Variants in UBA1 observed in about 807,000 individuals in gnomAD.
UBA1 encodes the protein ubiquitin-like modifier-activating enzyme 1.
Under a neutral mutation model 84.7 loss-of-function variants are expected in UBA1, and 4 were observed. That is an observed-to-expected ratio of 0.05 (90% CI 0.02 to 0.11). The LOEUF (loss-of-function observed/expected upper bound fraction) is 0.11, where lower values mean the gene tolerates loss of function less well. Ranked by LOEUF, UBA1 falls within the 10% of genes least tolerant of loss-of-function variation. The pLI is 1.00. For synonymous variants in UBA1, 364 were observed against 362.6 expected (o/e 1.00, Z -0.04); for missense variants, 513 against 902.8 (o/e 0.57, Z 5.53).
rs782411968 is a variant in UBA1 at position 47,202,897 on chromosome X, C to T, written c.1234-46C>T. 2.5e-6 allele frequency: 3 copies of T among 1,197,676 alleles called. No individual in the cohort carries two copies. The African/African-American group carries it at 5.3e-5, about 21-fold the overall frequency. ...TCACTTGCTCTCTGTCTGTGTCAGG[C>T]CCCTGTTAACCACTGACCACCCCCT... is the stretch of plus-strand genomic sequence containing the variant. On this transcript the variant is annotated intron_variant, in intron 11 of 25. Transcript: ENST00000335972.
At chrX:47,197,024 G>T in intron 1 of UBA1, 1 of 585,170 alleles carries the variant, frequency 1.7e-6, no homozygotes, top group Non-Finnish European at 2.1e-6. Flanking sequence ...CTCTACCCCA[G>T]GTCAGTCAGA....
intron 16 of UBA1, among the ~76,000 whole-genome samples, chrX:47,207,168 G>A (rs1556791414): frequency 1.8e-5 from 2 of 111,553 alleles, no homozygotes; most frequent in Non-Finnish European, 3.8e-5. Context: ...GTCTCTAATG[G>A]TCCATATTCA....
intron 16 of UBA1, among the ~76,000 whole-genome samples, chrX:47,208,299 CTGTGTGTACGTGTAAG>C (rs1248273105): frequency 9.5e-5 from 10 of 105,094 alleles, no homozygotes; most frequent in Non-Finnish European, 3.9e-5. Context: ...GTGTAAGTGT[CTGTGTGTACGTGTAAG>C]TGTGTGTACG....
chrX:47,202,482 G>A lies in UBA1; in HGVS notation c.1034G>A (p.Arg345Gln), dbSNP rs199942374. ...ALHQFCAQHGRPPRPRNEEDA... is the reference protein window; with the variant it reads ...ALHQFCAQHGQPPRPRNEEDA... ...CACCAGTTCTGTGCTCAGCATGGCC[G>A]GCCACCTCGGCCCCGCAATGAGGTG... is the stretch of plus-strand genomic sequence containing the variant. The change falls in exon 10 of 26, where the codon CGG becomes CAG. Residue 345 changes from arginine (R) to glutamine (Q), a missense_variant. Coordinates refer to ENST00000335972, the MANE Select transcript of UBA1 (RefSeq NM_003334.4). 9 of 1,200,605 alleles carry A rather than the reference G, an allele frequency of 7.5e-6. No individual in the cohort carries two copies. Among genetic ancestry groups the A allele is most frequent in the Admixed American group, 6.7e-5 (3 of 44,646 alleles).
intron 20 of UBA1, among the ~76,000 whole-genome samples, chrX:47,212,199 C>G (rs1265535676): frequency 9.0e-6 from 1 of 110,743 alleles, no homozygotes; most frequent in South Asian, 3.8e-4. Flanking sequence ...CTTAGTGTCT[C>G]TAGAGAGATC....
chrX:47,198,939 A>T lies in UBA1; in HGVS notation c.117+20A>T. ...ACCAACGTGAGTGTCCTCTCCGTGG[A>T]GACTGGCAGACGAGGTGGTGGGTGG... On this transcript the variant is annotated intron_variant, in intron 2 of 25. Coordinates refer to ENST00000335972, the MANE Select transcript of UBA1 (RefSeq NM_003334.4). The T allele has an allele frequency of 8.3e-7, 1 of 1,207,469 alleles. No homozygotes were observed. The highest frequency in any genetic ancestry group is 1.1e-6 in the Non-Finnish European group (1 of 891,405).
At position 47,210,057 on chromosome X, in the gene UBA1, C is replaced by T. The variant is rs1489893512; in HGVS notation, c.2133C>T (p.Cys711=). The part of the protein sequence containing the change: ...QTWADCVTWA[C]HHWHTQYSNN... ...GGGCTGACTGCGTGACCTGGGCCTG[C>T]CACCACTGGCACACCCAGTACTCGA... The change falls in exon 18 of 26, where the codon TGC becomes TGT. Residue 711 remains cysteine (C), a synonymous_variant. Coordinates refer to ENST00000335972, the MANE Select transcript of UBA1 (RefSeq NM_003334.4). 9.1e-6 allele frequency: 11 copies of T among 1,210,617 alleles called. No homozygotes were observed. The highest frequency in any genetic ancestry group is 1.2e-5 in the Non-Finnish European group (11 of 895,374).
intron 18 of UBA1, 65 bp from the exon 19 acceptor site, chrX:47,210,777 C>T (rs1936883632): frequency 5.5e-6 from 6 of 1,097,602 alleles, no homozygotes; most frequent in Non-Finnish European, 6.2e-6. Context: ...CTAGGTGAAG[C>T]GTGAAGATTG....
chrX:47,199,190 G>C lies in UBA1; in HGVS notation c.177-19G>C. On this transcript the variant is annotated intron_variant, in intron 3 of 25. Transcript: ENST00000335972. ...TGGGTGGGGCAGGCCCTGACCTAGA[G>C]TACCCCCTAACCTGGCAGGTATGTG... 8.2e-7 allele frequency: 1 copy of C among 1,212,263 alleles called. No individual in the cohort carries two copies. Among genetic ancestry groups the C allele is most frequent in the Non-Finnish European group, 1.1e-6 (1 of 895,593 alleles).
chrX:47,206,582 C>A, intron 16 of UBA1, 138 bp downstream of exon 16: 1 of 603,671 alleles, frequency 1.7e-6, no homozygotes. Flanking sequence ...CTCCCTCCCT[C>A]ACTTCCCACC....
At position 47,214,921 on chromosome X, in the gene UBA1, A is replaced by C; in HGVS notation, c.3169A>C (p.Ile1057Leu). 2 of 1,210,049 alleles carry C rather than the reference A, an allele frequency of 1.7e-6. No homozygotes were observed. The highest frequency in any genetic ancestry group is 2.2e-6 in the Non-Finnish European group (2 of 895,325). The change falls in exon 26 of 26, where the codon ATC becomes CTC. Residue 1057 changes from isoleucine (I) to leucine (L), a missense_variant. Ile to Leu is a conservative substitution (Grantham distance 5, BLOSUM62 2). This residue lies in a region of UBA1 where 151 missense variants were observed against 260.1 expected (regional missense o/e 0.58). Transcript: ENST00000335972. ...CGAGGTTCCCTATGTCCGATACACC[A>C]TCCGCTGACCCCGTCTGCTCCTCTA... ...DVEVPYVRYT[I>L]R
chrX:47,208,118 A>C (rs1936746819), intron 16 of UBA1, among the ~76,000 whole-genome samples: 1 of 112,351 alleles, frequency 8.9e-6, no homozygotes, highest in African/African-American at 3.2e-5. Flanking sequence ...CTCGCTAATG[A>C]CTGCGAACTG....
chrX:47,196,946 G>A (rs1936225080), intron 1 of UBA1: 1 of 219,768 alleles, frequency 4.6e-6, no homozygotes, highest in Non-Finnish European at 6.6e-6. Flanking sequence ...AACCCTGCCA[G>A]CAGCCCCTTG....
intron 14 of UBA1, among the ~76,000 whole-genome samples, chrX:47,204,390 TA>T (rs1275427348): frequency 9.0e-6 from 1 of 110,654 alleles, no homozygotes; most frequent in Non-Finnish European, 1.9e-5. Context: ...AGGCGGCCTT[TA>T]TTTCCCCAGT....
rs1372895067 is a variant in UBA1 at position 47,210,002 on chromosome X, G to A, written c.2078G>A (p.Arg693His). The part of the protein sequence containing the change: ...QPLEVLEAVQ[R>H]SLVLQRPQTW... ...TTGGAGGTGCTGGAGGCTGTGCAGC[G>A]CAGCCTGGTGCTGCAGCGACCACAG... is the stretch of plus-strand genomic sequence containing the variant. Residue 693 changes from arginine (R) to histidine (H), a missense_variant, in exon 18 of 26, where the codon CGC becomes CAC. Physicochemically the swap from Arg to His is conservative, Grantham distance 29. Transcript: ENST00000335972. 22 of 1,210,166 alleles carry A rather than the reference G, an allele frequency of 1.8e-5. No homozygotes were observed. Among genetic ancestry groups the A allele is most frequent in the Non-Finnish European group, 2.3e-5 (21 of 894,763 alleles).
intron 1 of UBA1, chrX:47,197,067 G>T: frequency 1.4e-6 from 1 of 740,445 alleles, no homozygotes; most frequent in Non-Finnish European, 1.6e-6. Context: ...GTTCACCTTT[G>T]TCTCTACTAA....
rs946970077 is a variant in UBA1 at position 47,198,933 on chromosome X, C to T, written c.117+14C>T. On this transcript the variant is annotated intron_variant, in intron 2 of 25. Coordinates refer to ENST00000335972, the MANE Select transcript of UBA1 (RefSeq NM_003334.4). ...GTGCCAACCAACGTGAGTGTCCTCT[C>T]CGTGGAGACTGGCAGACGAGGTGGT... is the stretch of plus-strand genomic sequence containing the variant. 2 of 1,207,943 alleles carry T rather than the reference C, an allele frequency of 1.7e-6. No homozygotes were observed. The highest frequency in any genetic ancestry group is 2.2e-6 in the Non-Finnish European group (2 of 891,611).
At chrX:47,195,242 T>G (rs1392478285) in intron 1 of UBA1, among the ~76,000 whole-genome samples, 6 of 110,667 alleles carry the variant, frequency 5.4e-5, no homozygotes, top group Non-Finnish European at 7.6e-5. Context: ...CCTTCTTGTT[T>G]TCTTTTTCTT....
intron 14 of UBA1, 165 bp from the exon 15 acceptor site, chrX:47,205,783 A>C: frequency 5.3e-6 from 3 of 561,650 alleles, no homozygotes; most frequent in Non-Finnish European, 8.6e-6. Context: ...GAGCCTGGGA[A>C]GTTGAGGCTG....
Sources: allele counts gnomAD v4.1 joint callset (sites outside exome capture counted in the v4.1 genomes callset), GRCh38; gene constraint gnomAD v4.1.1; regional missense constraint gnomAD v4.1.1; transcripts MANE v1.5; gene names NCBI Gene and HGNC (gene_info 2026-07-23, HGNC 2026-07-21).